Variants in HPD observed in about 807,000 individuals in gnomAD.
HPD encodes 4-hydroxyphenylpyruvic acid oxidase.
A neutral mutation model predicts 56.9 loss-of-function variants in HPD; 35 were observed. That is an observed-to-expected ratio of 0.62 (90% CI 0.47 to 0.82). HPD has a LOEUF of 0.82. Ranked by LOEUF, HPD falls within the 40% of genes least tolerant of loss-of-function variation. HPD has a pLI of 0.00. For synonymous variants in HPD, 186 were observed against 200.2 expected (o/e 0.93, Z 0.60); for missense variants, 442 against 506.8 (o/e 0.87, Z 1.23).
In HPD at chr12:121,845,094, G is replaced by GAT. The variant is rs146463958; in HGVS notation, c.832-1264_832-1263dup. Among the ~76,000 whole-genome samples, 247 of 145,390 alleles carry GAT rather than the reference G, an allele frequency of 1.7e-3. 11 individuals carry two copies. Among genetic ancestry groups the GAT allele is most frequent in the Middle Eastern group, 6.9e-3 (2 of 290 alleles). On this transcript the variant is annotated intron_variant, in intron 11 of 13. Coordinates refer to ENST00000289004, the MANE Select transcript of HPD (RefSeq NM_002150.3). ...GCAAGACTGCATCTCAAAAAAGAAG[G>GAT]ATATATATATATATACACACACATA...
chr12:121,857,631 C>G, intron 3 of HPD, 126 bp downstream of exon 3: 2 of 898,450 alleles, frequency 2.2e-6, no homozygotes, highest in Non-Finnish European at 3.7e-6. Context: ...TTCAGAGTAT[C>G]TGGCCCACCC....
upstream of HPD, among the ~76,000 whole-genome samples, chr12:121,866,064 G>A (rs1197610779): frequency 1.3e-5 from 2 of 152,074 alleles, no homozygotes; most frequent in Admixed American, 6.6e-5. Flanking sequence ...TTGGGAGGCC[G>A]AGGTGGTTGG....
At chr12:121,850,959 G>A (rs996877840) in intron 7 of HPD, among the ~76,000 whole-genome samples, 6 of 151,634 alleles carry the variant, frequency 4.0e-5, no homozygotes, top group South Asian at 4.2e-4. Context: ...TGCCTCCCGG[G>A]TTCAAGCGAT....
chr12:121,852,906 A>G (rs1399844514), intron 7 of HPD, among the ~76,000 whole-genome samples: 1 of 152,024 alleles, frequency 6.6e-6, no homozygotes, highest in Non-Finnish European at 1.5e-5. Context: ...TGCTGGGATT[A>G]TGGGCGTGAG....
chr12:121,862,596 C>CTTT (rs146807602), upstream of HPD, among the ~76,000 whole-genome samples: 3 of 43,092 alleles, frequency 7.0e-5, no homozygotes, highest in Admixed American at 3.4e-4. Flanking sequence ...CGCTCTCGGC[C>CTTT]TTTTTTTTTT....
Position 121,845,335 on chromosome 12 carries a change from A to G in HPD, c.832-1503T>C, listed in dbSNP as rs189963615. On this transcript the variant is annotated intron_variant, in intron 11 of 13. Transcript: ENST00000289004. ...CTTATGGCCGGGCGCAGTGGCTCACACCTGTAATCCCAGCACTTTGGGAGG... is the reference window on the plus strand; with the variant it reads ...CTTATGGCCGGGCGCAGTGGCTCACGCCTGTAATCCCAGCACTTTGGGAGG... Among the ~76,000 whole-genome samples, 658 of 149,280 alleles carry G rather than the reference A, an allele frequency of 4.4e-3. 56 individuals are homozygous for G. The highest frequency in any genetic ancestry group is 0.012 in the African/African-American group (472 of 39,032).
chr12:121,848,017 G>A (rs539031804), intron 9 of HPD, among the ~76,000 whole-genome samples: 1 of 152,124 alleles, frequency 6.6e-6, no homozygotes, highest in Non-Finnish European at 1.5e-5. Context: ...GTCTTGGAAC[G>A]AAATACATAC....
chr12:121,869,607 C>A, the HPD span, among the ~76,000 whole-genome samples: 1 of 149,762 alleles, frequency 6.7e-6, no homozygotes, highest in African/African-American at 2.5e-5. Flanking sequence ...CCACTGCAAC[C>A]TCTGCCTCCT....
At chr12:121,855,665 C>T (rs1877964582) in intron 6 of HPD, among the ~76,000 whole-genome samples, 1 of 151,388 alleles carries the variant, frequency 6.6e-6, no homozygotes, top group South Asian at 2.1e-4. Context: ...TGCAGTGAGC[C>T]AAGATTGCGC....
chr12:121,850,759 T>C (rs1877744184), intron 7 of HPD, among the ~76,000 whole-genome samples: 1 of 141,012 alleles, frequency 7.1e-6, no homozygotes, highest in Admixed American at 7.6e-5. Context: ...AGTGTAGTGG[T>C]GTGATCTTGG....
chr12:121,879,492 C>CTTCTCTTCTCTTCTCTTCTCTTCTT, the HPD span, among the ~76,000 whole-genome samples: 1 of 150,092 alleles, frequency 6.7e-6, no homozygotes, highest in Non-Finnish European at 1.5e-5. Flanking sequence ...GTTCTCTTCT[C>CTTCTCTTCTCTTCTCTTCTCTTCTT]TTCTCTTCTC....
the HPD span, among the ~76,000 whole-genome samples, chr12:121,882,309 G>A: frequency 6.6e-6 from 1 of 151,946 alleles, no homozygotes; most frequent in Admixed American, 6.6e-5. Context: ...GTCTCGCCAG[G>A]GATCTCTAGT....
chr12:121,877,697 C>T, the HPD span, among the ~76,000 whole-genome samples: 5 of 151,788 alleles, frequency 3.3e-5, no homozygotes, highest in African/African-American at 4.8e-5. Context: ...CGTGCCACTG[C>T]GCTCCAGCCT....
intron 11 of HPD, among the ~76,000 whole-genome samples, chr12:121,846,419 G>A (rs1406293105): frequency 6.6e-6 from 1 of 152,098 alleles, no homozygotes; most frequent in Admixed American, 6.5e-5. Flanking sequence ...GTTTCACCAT[G>A]TTGGCCAGGC....
At chr12:121,885,922 G>C in the HPD span, among the ~76,000 whole-genome samples, 3 of 150,526 alleles carry the variant, frequency 2.0e-5, no homozygotes, top group Non-Finnish European at 4.4e-5. Context: ...TCTCGCCACT[G>C]CACTCCAGCC....
At chr12:121,886,432 T>TG in the HPD span, among the ~76,000 whole-genome samples, 3 of 134,338 alleles carry the variant, frequency 2.2e-5, no homozygotes, top group Non-Finnish European at 3.2e-5. Flanking sequence ...TTTTTTTTTT[T>TG]GAGACGGAGT....
the HPD span, among the ~76,000 whole-genome samples, chr12:121,886,606 C>T: frequency 6.6e-6 from 1 of 152,198 alleles, no homozygotes; most frequent in Admixed American, 6.6e-5. Context: ...GTATCACTTT[C>T]TTCGGACCAC....
chr12:121,880,193 T>C, the HPD span, among the ~76,000 whole-genome samples: 1 of 151,700 alleles, frequency 6.6e-6, no homozygotes, highest in East Asian at 1.9e-4. Context: ...TGTACCATGA[T>C]TTCTTTTTTC....
chr12:121,872,119 A>C, the HPD span, among the ~76,000 whole-genome samples: 1 of 150,302 alleles, frequency 6.7e-6, no homozygotes, highest in African/African-American at 2.4e-5. Context: ...GGGCACCTGT[A>C]ATCCCAGCCA....
Sources: gnomAD v4.1 joint callset for allele counts (sites outside exome capture counted in the v4.1 genomes callset) on GRCh38, gnomAD v4.1.1 for gene constraint, MANE v1.5 for transcripts, NCBI Gene and HGNC (gene_info 2026-07-23, HGNC 2026-07-21) for gene names.